The following AGBL4 variants were observed in gnomAD, a reference collection of about 807,000 sequenced individuals.
AGBL4 encodes cytosolic carboxypeptidase 6.
Under a neutral mutation model 66.4 loss-of-function variants are expected in AGBL4, and 58 were observed. The observed-to-expected ratio is 0.87, with a 90% CI of 0.71 to 1.09. The LOEUF (loss-of-function observed/expected upper bound fraction) is 1.09. Among genes scored for constraint, AGBL4 ranks in the 50% least tolerant of loss-of-function variants. The pLI is 0.00. For missense variants in AGBL4, 579 were observed against 631.0 expected, an observed-to-expected ratio of 0.92 and a Z score of 0.88; for synonymous variants, 234 against 222.9, an observed-to-expected ratio of 1.05 and a Z score of -0.44.
chr1:49,906,568 G>A (rs931018396), intron 1 of AGBL4, among the ~76,000 whole-genome samples: 1 of 151,940 alleles, frequency 6.6e-6, no homozygotes, highest in Admixed American at 6.6e-5. Context: ...TTGGCTAACA[G>A]CCAATAAATG....
At chr1:49,845,578 T>C in intron 2 of AGBL4, 1 of 1,604,528 alleles carries the variant, frequency 6.2e-7, no homozygotes. Context: ...GGAGAAGCCC[T>C]ACGAGTGCCA....
chr1:48,609,030 C>T (rs945849586), intron 9 of AGBL4, among the ~76,000 whole-genome samples: 13 of 152,058 alleles, frequency 8.5e-5, no homozygotes, highest in African/African-American at 2.4e-4. Flanking sequence ...CCTAGGGTTA[C>T]GTAGGGAAGC....
chr1:49,813,495 TA>T (rs940955445), intron 2 of AGBL4, among the ~76,000 whole-genome samples: 2 of 152,088 alleles, frequency 1.3e-5, no homozygotes, highest in Non-Finnish European at 2.9e-5. Flanking sequence ...TATCCCTAGG[TA>T]AACATGGCCA....
At chr1:49,456,460 A>G (rs1646391277) in intron 3 of AGBL4, among the ~76,000 whole-genome samples, 1 of 151,804 alleles carries the variant, frequency 6.6e-6, no homozygotes, top group South Asian at 2.1e-4. Flanking sequence ...TTGATTTATT[A>G]CAACTACCCC....
At chr1:49,908,721 A>C (rs969570201) in intron 1 of AGBL4, among the ~76,000 whole-genome samples, 2 of 152,180 alleles carry the variant, frequency 1.3e-5, no homozygotes, top group African/African-American at 4.8e-5. Context: ...TGAACCCAGG[A>C]GGTCAAGACC....
At chr1:49,169,991 G>A (rs1404897300) in intron 4 of AGBL4, among the ~76,000 whole-genome samples, 2 of 151,980 alleles carry the variant, frequency 1.3e-5, no homozygotes, top group Non-Finnish European at 2.9e-5. Flanking sequence ...AGGGGGAAGA[G>A]CAGGAGGGGA....
At chr1:49,494,375 C>A (rs571489069) in intron 3 of AGBL4, among the ~76,000 whole-genome samples, 86 of 151,902 alleles carry the variant, frequency 5.7e-4, no homozygotes, top group Non-Finnish European at 1.0e-3. Flanking sequence ...GCTGCACCCA[C>A]TAACTCGTCA....
At chr1:49,006,705 GT>G (rs1661860078) in intron 5 of AGBL4, among the ~76,000 whole-genome samples, 1 of 151,138 alleles carries the variant, frequency 6.6e-6, no homozygotes, top group African/African-American at 2.4e-5. Context: ...GCCTCCTCAA[GT>G]GGGTCCCTGA....
chr1:48,556,979 G>A (rs1644330585), intron 11 of AGBL4, among the ~76,000 whole-genome samples: 1 of 151,996 alleles, frequency 6.6e-6, no homozygotes, highest in Admixed American at 6.6e-5. Context: ...TAGTAGAGAC[G>A]GGATTTCACT....
intron 5 of AGBL4, among the ~76,000 whole-genome samples, chr1:48,930,458 A>C (rs1210676885): frequency 1.3e-5 from 2 of 152,072 alleles, no homozygotes; most frequent in Non-Finnish European, 2.9e-5. Context: ...ATGATTTGCC[A>C]CCATAAAGCT....
chr1:49,881,962 T>G (rs1406885218), intron 1 of AGBL4, among the ~76,000 whole-genome samples: 1 of 152,078 alleles, frequency 6.6e-6, no homozygotes. Flanking sequence ...AGTCCTTGCC[T>G]GTGCCTATGT....
chr1:49,664,313 C>T (rs756585829), intron 3 of AGBL4, among the ~76,000 whole-genome samples: 4 of 151,838 alleles, frequency 2.6e-5, no homozygotes, highest in Non-Finnish European at 4.4e-5. Flanking sequence ...CTCAAGAAAC[C>T]ATCCTGTTTT....
At chr1:48,901,488 G>C (rs781491366) in intron 5 of AGBL4, among the ~76,000 whole-genome samples, 1 of 151,944 alleles carries the variant, frequency 6.6e-6, no homozygotes, top group Non-Finnish European at 1.5e-5. Flanking sequence ...ATTCGAACCT[G>C]GAAATAAGCA....
intron 6 of AGBL4, among the ~76,000 whole-genome samples, chr1:48,712,400 C>G (rs320058): frequency 0.89 from 135,654 of 152,178 alleles, 62,370 homozygotes; most frequent in Non-Finnish European, 1. Flanking sequence ...GGGTAGGACC[C>G]TGAGCATATC....
chr1:49,509,844 T>C (rs910346630), intron 3 of AGBL4, among the ~76,000 whole-genome samples: 3 of 151,912 alleles, frequency 2.0e-5, no homozygotes, highest in African/African-American at 7.2e-5. Flanking sequence ...AAAAATAAAG[T>C]CCATTAATAT....
intron 3 of AGBL4, among the ~76,000 whole-genome samples, chr1:49,297,729 T>C (rs544650291): frequency 5.9e-5 from 9 of 152,292 alleles, no homozygotes; most frequent in African/African-American, 1.9e-4. Context: ...TAGACTTTTT[T>C]TGAGTGGTCT....
chr1:48,761,365 T>C lies in AGBL4; in HGVS notation c.635-98124A>G, dbSNP rs934417747. The C allele has an allele frequency of 3.2e-6, 5 of 1,551,954 alleles. No homozygotes were observed. Among genetic ancestry groups the C allele is most frequent in the Non-Finnish European group, 4.4e-6 (5 of 1,147,026 alleles). Reference sequence around the variant, plus strand: ...GATGTGTCTAAGCTGTAAATCTTCTTCCCCATAATCTTTAACCTCTCCATC... The same window carrying C: ...GATGTGTCTAAGCTGTAAATCTTCTCCCCCATAATCTTTAACCTCTCCATC... On this transcript the variant is annotated intron_variant, in intron 6 of 13. Coordinates refer to ENST00000371839, the MANE Select transcript of AGBL4 (RefSeq NM_032785.4).
At chr1:48,982,125 T>C (rs1659821534) in intron 5 of AGBL4, among the ~76,000 whole-genome samples, 1 of 152,128 alleles carries the variant, frequency 6.6e-6, no homozygotes, top group Non-Finnish European at 1.5e-5. Context: ...CTAGGACTGT[T>C]TGGTAAAGTA....
At chr1:49,257,100 A>G (rs879451169) in intron 3 of AGBL4, among the ~76,000 whole-genome samples, 2 of 152,070 alleles carry the variant, frequency 1.3e-5, no homozygotes, top group African/African-American at 4.8e-5. Context: ...GACATATTTG[A>G]GTATTTTACA....
Sources: allele counts gnomAD v4.1 joint callset (sites outside exome capture counted in the v4.1 genomes callset), GRCh38; gene constraint gnomAD v4.1.1; transcripts MANE v1.5; gene names NCBI Gene and HGNC (gene_info 2026-07-23, HGNC 2026-07-21).